PCM1: variants seen among roughly 807,000 people sequenced by gnomAD.
The protein encoded by PCM1 is pericentriolar material 1, also known as pericentriolar material 1 protein.
In PCM1, 157 loss-of-function variants were observed where a neutral mutation model predicts 241.9. That is an observed-to-expected ratio of 0.65 (90% CI 0.57 to 0.74). The LOEUF (loss-of-function observed/expected upper bound fraction) is 0.74. Among genes scored for constraint, PCM1 ranks in the 30% least tolerant of loss-of-function variants. The pLI is 0.00. For synonymous variants in PCM1, 1,085 were observed against 784.9 expected, an observed-to-expected ratio of 1.38 and a Z score of -6.39; for missense variants, 3,478 against 2,360.1, an observed-to-expected ratio of 1.47 and a Z score of -9.81.
rs544326975 is a variant in PCM1 at position 17,972,661 on chromosome 8, A to G, written c.3917A>G (p.Gln1306Arg). The change falls in exon 23 of 39, where the codon CAG becomes CGG. Residue 1306 changes from glutamine to arginine, a missense_variant. Physicochemically the swap from Gln to Arg is conservative, Grantham distance 43 (BLOSUM62 1). Coordinates refer to ENST00000325083, the MANE Select transcript of PCM1 (RefSeq NM_006197.4). ...KSKSKKRNST[Q>R]LKSRVKNIRY... ...AAAAGTAAGAAGAGGAATTCTACTC[A>G]GCTGAAAAGCAGAGTTAAAAACATC... 32 of 1,563,210 alleles carry G rather than the reference A, an allele frequency of 2.0e-5. No individual in the cohort carries two copies. The Admixed American group carries it at 4.1e-4, about 20-fold the overall frequency.
At chr8:17,942,133 C>G (rs182578110) in intron 6 of PCM1, among the ~76,000 whole-genome samples, 1 of 151,990 alleles carries the variant, frequency 6.6e-6, no homozygotes, top group Admixed American at 6.5e-5. Flanking sequence ...ATAACACGTT[C>G]TTAAACCTTG....
intron 30 of PCM1, 87 bp from the exon 31 acceptor site, chr8:18,009,460 T>C: frequency 1.2e-6 from 1 of 815,892 alleles, no homozygotes; most frequent in Non-Finnish European, 2.0e-6. Context: ...TAAACATTAG[T>C]TTTAAGTTTT....
At chr8:18,006,089 A>G (rs1424964921) in intron 29 of PCM1, 174 bp from the exon 30 acceptor site, 7 of 568,702 alleles carry the variant, frequency 1.2e-5, no homozygotes, top group African/African-American at 1.9e-5. Context: ...ATACGTATGA[A>G]TAAAGTAGGA....
intron 38 of PCM1, among the ~76,000 whole-genome samples, chr8:18,027,219 G>A (rs1408846858): frequency 6.6e-6 from 1 of 152,122 alleles, no homozygotes; most frequent in Admixed American, 6.5e-5. Context: ...TTAGAATATG[G>A]TACCCTTCTC....
chr8:17,953,616 AC>A (rs1473558519), intron 9 of PCM1, among the ~76,000 whole-genome samples: 1 of 152,146 alleles, frequency 6.6e-6, no homozygotes, highest in Non-Finnish European at 1.5e-5. Context: ...ACTATGAAAA[AC>A]TTTTATATAT....
In PCM1 at chr8:18,020,743, G is replaced by A. The variant is rs539096806; in HGVS notation, c.5842-4618G>A. Reference sequence around the variant, plus strand: ...AAGTCAGGACAACCCGAAGAATTACGTGATCTAAGACTTAACCATATAGCA... The same window carrying A: ...AAGTCAGGACAACCCGAAGAATTACATGATCTAAGACTTAACCATATAGCA... On this transcript the variant is annotated intron_variant, in intron 36 of 38. Coordinates refer to ENST00000325083, the MANE Select transcript of PCM1 (RefSeq NM_006197.4). Among the ~76,000 whole-genome samples the A allele has an allele frequency of 6.6e-5, 10 of 152,330 alleles. No individual in the cohort carries two copies. The Middle Eastern group carries it at 0.01, about 155-fold the overall frequency.
rs760064216 is a variant in PCM1, at chr8:17,938,823, C to G, written c.426C>G (p.Asn142Lys). The change falls in exon 5 of 39, where the codon AAC becomes AAG. Residue 142 changes from asparagine to lysine, a missense_variant. Physicochemically the swap from Asn to Lys is moderately conservative, Grantham distance 94 (BLOSUM62 0). Coordinates refer to ENST00000325083, the MANE Select transcript of PCM1 (RefSeq NM_006197.4). Reference sequence around the variant, plus strand: ...TTAGTGAAAACCGAAAGCCCTTCAACTTTTTGCCTATGCAGATTAATACTA... The same window carrying G: ...TTAGTGAAAACCGAAAGCCCTTCAAGTTTTTGCCTATGCAGATTAATACTA... ...RQLSENRKPF[N>K]FLPMQINTNK... 1 of 1,613,506 alleles carries G rather than the reference C, an allele frequency of 6.2e-7. No individual in the cohort carries two copies. The highest frequency in any genetic ancestry group is 1.1e-5 in the South Asian group (1 of 91,082).
At chr8:17,967,511 T>C (rs1740979216) in intron 21 of PCM1, among the ~76,000 whole-genome samples, 1 of 152,170 alleles carries the variant, frequency 6.6e-6, no homozygotes, top group African/African-American at 2.4e-5. Context: ...TTTCTCCATG[T>C]TGGTCAGGCT....
rs2094335063 is a variant in PCM1 at position 18,027,686 on chromosome 8, C to T, written c.*24C>T. 1 of 1,556,378 alleles carries T rather than the reference C, an allele frequency of 6.4e-7. No individual in the cohort carries two copies. Among genetic ancestry groups the T allele is most frequent in the African/African-American group, 1.3e-5 (1 of 74,172 alleles). On this transcript the variant is annotated 3_prime_UTR_variant, in exon 39 of 39. Coordinates refer to ENST00000325083, the MANE Select transcript of PCM1 (RefSeq NM_006197.4). ...GAGATGTCTTCAGAGGCTCATCTAA[C>T]TCTGTCCTTACATACTCAATGCATA... is the stretch of plus-strand genomic sequence containing the variant.
chr8:17,963,666 G>T (rs1246816835), intron 17 of PCM1, among the ~76,000 whole-genome samples: 2 of 152,070 alleles, frequency 1.3e-5, no homozygotes, highest in African/African-American at 4.8e-5. Context: ...CTGTTTGTAA[G>T]GTTCTTAAGG....
In PCM1 at chr8:17,959,645, T is replaced by C. The variant is rs912626895; in HGVS notation, c.2041-369T>C. 4.0e-4 allele frequency among the ~76,000 whole-genome samples: 61 copies of C among 152,170 alleles called. 3 individuals are homozygous for C. The highest frequency in any genetic ancestry group is 4.4e-5 in the Non-Finnish European group (3 of 68,014). On this transcript the variant is annotated intron_variant, in intron 13 of 38. Transcript: ENST00000325083. ...TTCTATATGTATAGAATTTTTGATA[T>C]GTATTCATATTTTTCTATATGTATT...
intron 24 of PCM1, chr8:17,983,416 G>A (rs1450420205): frequency 1.2e-5 from 4 of 327,750 alleles, no homozygotes. Flanking sequence ...TGTGACTATT[G>A]TAAAAGATAA....
intron 2 of PCM1, among the ~76,000 whole-genome samples, chr8:17,929,946 C>T (rs1484943442): frequency 6.6e-6 from 1 of 152,128 alleles, no homozygotes; most frequent in Non-Finnish European, 1.5e-5. Context: ...CACCAGTTTC[C>T]TGACCATGGT....
intron 30 of PCM1, among the ~76,000 whole-genome samples, chr8:18,008,655 A>G (rs778659201): frequency 8.5e-5 from 13 of 152,166 alleles, no homozygotes; most frequent in Non-Finnish European, 8.8e-5. Context: ...TAGTTACAAC[A>G]GTCTAATTAG....
At position 17,932,312 on chromosome 8, in the gene PCM1, C is replaced by T. The variant is rs80191923; in HGVS notation, c.-22-3277C>T. 3.1e-3 allele frequency among the ~76,000 whole-genome samples: 474 copies of T among 152,214 alleles called. 3 individuals are homozygous for T. Among genetic ancestry groups the T allele is most frequent in the African/African-American group, 0.011 (453 of 41,550 alleles). The stretch of plus-strand genomic sequence containing the variant: ...GATTGCATATAGAGAGGTAGAATTA[C>T]TGCGTCAAAAATTCAGTTTTAGTTC... On this transcript the variant is annotated intron_variant, in intron 2 of 38. Transcript: ENST00000325083.
chr8:17,963,361 C>G, intron 17 of PCM1, 70 bp downstream of exon 17: 3 of 1,089,546 alleles, frequency 2.8e-6, no homozygotes, highest in Non-Finnish European at 4.0e-6. Flanking sequence ...GGCTAGGCAG[C>G]CACATTTCTC....
intron 36 of PCM1, among the ~76,000 whole-genome samples, chr8:18,016,286 A>AAGAT (rs34151944): frequency 0.46 from 70,122 of 151,608 alleles, 17,777 homozygotes; most frequent in Middle Eastern, 0.6. Context: ...GAGGTTTAGA[A>AAGAT]AGATAGGGTA....
intron 29 of PCM1, among the ~76,000 whole-genome samples, chr8:18,003,415 A>G (rs781640638): frequency 6.6e-6 from 1 of 152,170 alleles, no homozygotes; most frequent in African/African-American, 2.4e-5. Flanking sequence ...CATTATTGAA[A>G]AAGGCACATT....
chr8:17,944,401 T>C (rs566368286), intron 6 of PCM1, among the ~76,000 whole-genome samples: 20 of 152,102 alleles, frequency 1.3e-4, no homozygotes, highest in Non-Finnish European at 2.9e-4. Flanking sequence ...TACATAATTA[T>C]CTGAAGCTGT....
Sources: gnomAD v4.1 joint callset for allele counts (sites outside exome capture counted in the v4.1 genomes callset) on GRCh38, gnomAD v4.1.1 for gene constraint, MANE v1.5 for transcripts, NCBI Gene and HGNC (gene_info 2026-07-23, HGNC 2026-07-21) for gene names.